Variants in SLC22A14 observed in about 807,000 individuals in gnomAD.
SLC22A14 encodes the protein organic cation transporter-like 4.
Under a neutral mutation model 53.9 loss-of-function variants are expected in SLC22A14, and 50 were observed. The observed-to-expected ratio is 0.93, with a 90% CI of 0.74 to 1.17. SLC22A14 has a LOEUF of 1.17. Ranked by LOEUF, SLC22A14 falls within the 50% of genes most tolerant of loss-of-function variation. The pLI is 0.00. For synonymous variants in SLC22A14, 312 were observed against 303.0 expected, an observed-to-expected ratio of 1.03 and a Z score of -0.31; for missense variants, 671 against 734.7, an observed-to-expected ratio of 0.91 and a Z score of 1.00.
In SLC22A14 at chr3:38,307,749, AG is replaced by A. The variant is rs778654073; in HGVS notation, c.775+32del. The A allele has an allele frequency of 1.5e-5, 24 of 1,611,954 alleles. No individual in the cohort carries two copies. Among genetic ancestry groups the A allele is most frequent in the Non-Finnish European group, 1.8e-5 (21 of 1,178,826 alleles). ...AGACTGGGCCTCAATGGGGCAGGGC[AG>A]GGTGGCACAGGGGCATGGCGGCATA... On this transcript the variant is annotated intron_variant, in intron 4 of 10. Transcript: ENST00000448498. The surrounding 1 kb of genome is among the most constrained non-coding windows in gnomAD (Gnocchi z 4.4).
At chr3:38,282,760 T>G (rs538644753) in intron 1 of SLC22A14, among the ~76,000 whole-genome samples, 3 of 152,120 alleles carry the variant, frequency 2.0e-5, no homozygotes, top group African/African-American at 7.2e-5. Context: ...AGAGGGAGGC[T>G]GGTACAGATG....
chr3:38,317,540 G>A (rs1046370098), intron 10 of SLC22A14, among the ~76,000 whole-genome samples: 5 of 152,202 alleles, frequency 3.3e-5, no homozygotes, highest in Non-Finnish European at 5.9e-5. Context: ...TTGCCCCACT[G>A]TAGAGAGAGG....
intron 1 of SLC22A14, among the ~76,000 whole-genome samples, chr3:38,299,383 C>T (rs181062310): frequency 2.0e-5 from 3 of 152,286 alleles, no homozygotes; most frequent in Admixed American, 2.0e-4. Context: ...TGTGACTTAT[C>T]CTCCTGTATT....
chr3:38,307,949 C>A lies in SLC22A14; in HGVS notation c.775+229C>A. 1 of 564,972 alleles carries A rather than the reference C, an allele frequency of 1.8e-6. No homozygotes were observed. 35.0% of individuals were successfully genotyped at this position (564,972 alleles called of 1,614,324 possible). A position where few individuals can be genotyped will look rare whatever the true frequency, so the allele number is the denominator to read the frequency against. ...TTGGACAGGCAGAAGTGGAAGGGAT[C>A]TCCGTTCCTGGCTGCCTGGAGATGT... On this transcript the variant is annotated intron_variant, in intron 4 of 10. Transcript: ENST00000448498. This position sits in a 1 kb window ranked among gnomAD's most constrained non-coding sequence, Gnocchi z 4.4.
In SLC22A14 at chr3:38,318,279, C is replaced by G; in HGVS notation, c.*30C>G. 6.3e-7 allele frequency: 1 copy of G among 1,598,136 alleles called. No homozygotes were observed. Among genetic ancestry groups the G allele is most frequent in the Non-Finnish European group, 8.6e-7 (1 of 1,165,374 alleles). On this transcript the variant is annotated 3_prime_UTR_variant, in exon 11 of 11. Transcript: ENST00000448498. The stretch of plus-strand genomic sequence containing the variant: ...GCGGCCAAGAATGTCATTCTCAATG[C>G]CCAGATCCTGAGATTGGACCCATAC...
chr3:38,285,628 T>C (rs1703774784), intron 1 of SLC22A14, among the ~76,000 whole-genome samples: 1 of 152,228 alleles, frequency 6.6e-6, no homozygotes, highest in Non-Finnish European at 1.5e-5. Context: ...AGCTGAAGCT[T>C]CTTCATTTTC....
intron 1 of SLC22A14, among the ~76,000 whole-genome samples, chr3:38,284,332 G>C (rs1484289333): frequency 6.6e-6 from 1 of 152,194 alleles, no homozygotes; most frequent in East Asian, 1.9e-4. Context: ...CCCAGGTGAG[G>C]ACCCCATGGG....
chr3:38,305,388 T>C (rs1326023832), intron 1 of SLC22A14: 1 of 152,592 alleles, frequency 6.6e-6, no homozygotes, highest in African/African-American at 2.4e-5. Flanking sequence ...CAGGAACTGT[T>C]ACCCCTTCTG....
chr3:38,313,024 C>T lies in SLC22A14; in HGVS notation c.970C>T (p.Leu324=), dbSNP rs138927237. 2 of 1,588,522 alleles carry T rather than the reference C, an allele frequency of 1.3e-6. No individual in the cohort carries two copies. The highest frequency in any genetic ancestry group is 2.3e-5 in the East Asian group (1 of 44,070). The change falls in exon 6 of 11, where the codon CTG becomes TTG. Residue 324 remains leucine, a synonymous_variant. Coordinates refer to ENST00000448498, the MANE Select transcript of SLC22A14 (RefSeq NM_001320033.2). ...IWILPESPRW[L]MMKGKVKEAK... Reference sequence around the variant, plus strand: ...GATTCTCCCGGAGTCCCCGCGGTGGCTGATGATGAAAGGGAAGGTGAAGGA... The same window carrying T: ...GATTCTCCCGGAGTCCCCGCGGTGGTTGATGATGAAAGGGAAGGTGAAGGA...
At chr3:38,298,939 T>A (rs1704102297) in intron 1 of SLC22A14, among the ~76,000 whole-genome samples, 1 of 152,212 alleles carries the variant, frequency 6.6e-6, no homozygotes. Flanking sequence ...TGCTTAAATA[T>A]TATACACATA....
chr3:38,310,318 C>A (rs1704432963), intron 5 of SLC22A14, among the ~76,000 whole-genome samples: 1 of 152,098 alleles, frequency 6.6e-6, no homozygotes, highest in Admixed American at 6.5e-5. Flanking sequence ...ATCATGGCTG[C>A]AGTGAGTTAT....
rs1312524219 is a variant in SLC22A14, at chr3:38,318,255, C to T, written c.*6C>T. ...CATCATCTGATGATGTCTGAGGAAG[C>T]GGCCAAGAATGTCATTCTCAATGCC... On this transcript the variant is annotated 3_prime_UTR_variant, in exon 11 of 11. Coordinates refer to ENST00000448498, the MANE Select transcript of SLC22A14 (RefSeq NM_001320033.2). 1.9e-5 allele frequency: 30 copies of T among 1,612,586 alleles called. No homozygotes were observed. The highest frequency in any genetic ancestry group is 6.7e-5 in the African/African-American group (5 of 74,902).
intron 1 of SLC22A14, among the ~76,000 whole-genome samples, chr3:38,284,146 C>A (rs1181426891): frequency 6.6e-6 from 1 of 152,180 alleles, no homozygotes; most frequent in East Asian, 1.9e-4. Context: ...GGAGGCATCC[C>A]CCTCGTGTGA....
At chr3:38,282,544 G>A (rs1252625084) in intron 1 of SLC22A14, among the ~76,000 whole-genome samples, 1 of 152,190 alleles carries the variant, frequency 6.6e-6, no homozygotes, top group African/African-American at 2.4e-5. Flanking sequence ...GTTCTCAGGT[G>A]TGGCGTCTGG....
At chr3:38,293,147 G>C (rs1169227760) in intron 1 of SLC22A14, among the ~76,000 whole-genome samples, 1 of 152,188 alleles carries the variant, frequency 6.6e-6, no homozygotes, top group African/African-American at 2.4e-5. Context: ...TGACTCAGAG[G>C]ACCTTCATCC....
At chr3:38,284,412 G>A (rs981329102) in intron 1 of SLC22A14, among the ~76,000 whole-genome samples, 2 of 152,146 alleles carry the variant, frequency 1.3e-5, no homozygotes, top group African/African-American at 2.4e-5. Flanking sequence ...AATGCAGCTC[G>A]GCCTCCCCAC....
At chr3:38,290,899 A>G (rs1455982494) in intron 1 of SLC22A14, among the ~76,000 whole-genome samples, 2 of 151,538 alleles carry the variant, frequency 1.3e-5, no homozygotes, top group Admixed American at 6.6e-5. Context: ...TTCCTTTCTG[A>G]TGACCCTGGC....
intron 1 of SLC22A14, among the ~76,000 whole-genome samples, chr3:38,295,532 G>C (rs990227734): frequency 3.9e-5 from 6 of 152,046 alleles, no homozygotes; most frequent in African/African-American, 1.5e-4. Flanking sequence ...TTACGTCCTT[G>C]TTTACACTGA....
chr3:38,315,697 C>T lies in SLC22A14; in HGVS notation c.1518C>T (p.Leu506=). ...TCTTCCTCTACACCGCTGAGCTCCT[C>T]CCCACTGTGCTCAGGTATGGGGTCT... ...TVFFLYTAEL[L]PTVLRATGLG... The change falls in exon 9 of 11, where the codon CTC becomes CTT. Residue 506 remains leucine, a synonymous_variant. Transcript: ENST00000448498. 1.2e-6 allele frequency: 2 copies of T among 1,613,740 alleles called. No homozygotes were observed. The highest frequency in any genetic ancestry group is 1.7e-6 in the Non-Finnish European group (2 of 1,179,948).
Sources: gnomAD v4.1 joint callset for allele counts (sites outside exome capture counted in the v4.1 genomes callset) on GRCh38, gnomAD v4.1.1 for gene constraint, Gnocchi (gnomAD v3.1) non-coding constraint, MANE v1.5 for transcripts, NCBI Gene and HGNC (gene_info 2026-07-23, HGNC 2026-07-21) for gene names.